Variants in SLIT1 observed in about 807,000 individuals in gnomAD.
SLIT1 encodes the protein slit homolog 1 protein.
Under a neutral mutation model 186.1 loss-of-function variants are expected in SLIT1, and 66 were observed. That is an observed-to-expected ratio of 0.35 (90% CI 0.29 to 0.44). The LOEUF (loss-of-function observed/expected upper bound fraction) is 0.44. Among genes scored for constraint, SLIT1 ranks in the 20% least tolerant of loss-of-function variants. SLIT1 has a pLI of 1.00. For synonymous variants in SLIT1, 761 were observed against 833.8 expected (o/e 0.91, Z 1.50); for missense variants, 1,638 against 2,037.4 (o/e 0.80, Z 3.77).
chr10:97,141,623 T>G (rs1219755535), intron 4 of SLIT1, among the ~76,000 whole-genome samples: 1 of 152,250 alleles, frequency 6.6e-6, no homozygotes, highest in East Asian at 1.9e-4. Context: ...CTATACTCTT[T>G]TAGCCACCTT....
chr10:97,064,544 A>G (rs995541590), intron 6 of SLIT1, among the ~76,000 whole-genome samples: 4 of 152,130 alleles, frequency 2.6e-5, no homozygotes, highest in African/African-American at 4.8e-5. Context: ...TGGGGTTTGG[A>G]TAGGTAGGGA....
intron 30 of SLIT1, among the ~76,000 whole-genome samples, chr10:97,012,398 T>C (rs1019338317): frequency 1.3e-5 from 2 of 152,328 alleles, no homozygotes; most frequent in Admixed American, 1.3e-4. Flanking sequence ...TTCCAGGTAA[T>C]GCCAGGCACA....
intron 20 of SLIT1, among the ~76,000 whole-genome samples, chr10:97,042,552 A>G (rs1848698892): frequency 6.6e-6 from 1 of 152,188 alleles, no homozygotes; most frequent in Admixed American, 6.5e-5. Flanking sequence ...GTGCTTAGGG[A>G]CAGCCAAAAG....
chr10:97,099,365 C>T (rs1279435177), intron 4 of SLIT1, among the ~76,000 whole-genome samples: 1 of 152,164 alleles, frequency 6.6e-6, no homozygotes, highest in Non-Finnish European at 1.5e-5. Context: ...CCACCCAGAG[C>T]AGCAGGCTCA....
chr10:97,108,116 A>G (rs1271191539), intron 4 of SLIT1, among the ~76,000 whole-genome samples: 1 of 151,678 alleles, frequency 6.6e-6, no homozygotes, highest in Non-Finnish European at 1.5e-5. Flanking sequence ...AAGTCCTGTG[A>G]CCCCTACCAT....
intron 4 of SLIT1, among the ~76,000 whole-genome samples, chr10:97,081,065 T>C (rs536644976): frequency 6.6e-6 from 1 of 152,326 alleles, no homozygotes; most frequent in African/African-American, 2.4e-5. Context: ...TTCACACGCA[T>C]CACTTTTCTC....
chr10:97,160,463 G>A (rs557096570), intron 3 of SLIT1, among the ~76,000 whole-genome samples: 1 of 152,168 alleles, frequency 6.6e-6, no homozygotes, highest in African/African-American at 2.4e-5. Flanking sequence ...TAAAAATCAG[G>A]AATACTCCCC....
intron 28 of SLIT1, among the ~76,000 whole-genome samples, chr10:97,014,466 A>C (rs1454552730): frequency 6.6e-6 from 1 of 152,196 alleles, no homozygotes. Flanking sequence ...CCTCCTTGGC[A>C]CAAAGTGATA....
At chr10:97,172,890 T>C (rs1235374527) in intron 1 of SLIT1, among the ~76,000 whole-genome samples, 2 of 150,618 alleles carry the variant, frequency 1.3e-5, no homozygotes, top group East Asian at 1.9e-4. Flanking sequence ...CAAGACCCTG[T>C]TGAAAGAAAA....
intron 20 of SLIT1, 125 bp from the exon 21 acceptor site, chr10:97,040,245 C>A: frequency 9.6e-7 from 1 of 1,038,726 alleles, no homozygotes; most frequent in South Asian, 1.8e-5. Context: ...CCTTGGCCAT[C>A]AGTAAGTCTG....
chr10:97,167,545 ACCATGTGG>A (rs1850136518), intron 1 of SLIT1, among the ~76,000 whole-genome samples: 1 of 152,234 alleles, frequency 6.6e-6, no homozygotes, highest in African/African-American at 2.4e-5. Flanking sequence ...AAAACCGAAT[ACCATGTGG>A]CCATTTAAAA....
intron 4 of SLIT1, among the ~76,000 whole-genome samples, chr10:97,070,498 C>G (rs1848992527): frequency 6.6e-6 from 1 of 152,202 alleles, no homozygotes; most frequent in Non-Finnish European, 1.5e-5. Context: ...TTGCTATGGT[C>G]TGAATTATCG....
intron 4 of SLIT1, among the ~76,000 whole-genome samples, chr10:97,090,062 C>A (rs1041013462): frequency 6.6e-6 from 1 of 152,232 alleles, no homozygotes; most frequent in Non-Finnish European, 1.5e-5. Context: ...CTCGCCGCTG[C>A]TGTTCATCCA....
At chr10:97,057,179 C>G (rs367960943) in intron 12 of SLIT1, 31 bp downstream of exon 12, 1 of 1,583,546 alleles carries the variant, frequency 6.3e-7, no homozygotes. Flanking sequence ...TTCCCTGGGT[C>G]CCACCCAAGA....
chr10:97,145,141 C>T (rs1388931390), intron 4 of SLIT1, among the ~76,000 whole-genome samples: 1 of 151,748 alleles, frequency 6.6e-6, no homozygotes, highest in African/African-American at 2.4e-5. Context: ...GTTATTATTA[C>T]TATTATTATT....
intron 4 of SLIT1, among the ~76,000 whole-genome samples, chr10:97,134,224 C>T (rs1447724250): frequency 1.3e-5 from 2 of 152,192 alleles, no homozygotes; most frequent in African/African-American, 2.4e-5. Context: ...CACCCACCTC[C>T]TCCCACAGCC....
chr10:97,078,655 G>A (rs964616121), intron 4 of SLIT1, among the ~76,000 whole-genome samples: 6 of 130,876 alleles, frequency 4.6e-5, no homozygotes, highest in East Asian at 1.9e-4. Context: ...AACTAGCTTC[G>A]TCCTCTTCAA....
chr10:97,013,753 G>A lies in SLIT1; in HGVS notation c.3191C>T (p.Pro1064Leu), dbSNP rs752354280. The A allele has an allele frequency of 9.0e-6, 14 of 1,551,210 alleles. No homozygotes were observed. Among genetic ancestry groups the A allele is most frequent in the South Asian group, 3.6e-5 (3 of 84,060 alleles). ...GGGCAACACTCACCTGGGCCCATCC[G>A]GGGTGCCCACACACTGGGCCTCGTG... is the stretch of plus-strand genomic sequence containing the variant. ...CQHEAQCVGT[P>L]DGPRCECMPG... Residue 1064 changes from proline to leucine, a missense_variant, in exon 30 of 37, where the codon CCG becomes CTG. Physicochemically the swap from Pro to Leu is moderately conservative, Grantham distance 98. Transcript: ENST00000266058.
intron 4 of SLIT1, among the ~76,000 whole-genome samples, chr10:97,111,935 GCT>G (rs1235032720): frequency 1.3e-5 from 2 of 152,150 alleles, no homozygotes; most frequent in African/African-American, 4.8e-5. Context: ...TCTGCCAGAG[GCT>G]CCCCATCACT....
Sources: allele counts gnomAD v4.1 joint callset (sites outside exome capture counted in the v4.1 genomes callset), GRCh38; gene constraint gnomAD v4.1.1; transcripts MANE v1.5; gene names NCBI Gene and HGNC (gene_info 2026-07-23, HGNC 2026-07-21).